Variants in AKR1B10 observed in about 807,000 individuals in gnomAD.
The protein encoded by AKR1B10 is ARP.
Under a neutral mutation model 38.9 loss-of-function variants are expected in AKR1B10, and 39 were observed. The observed-to-expected ratio is 1.00, with a 90% confidence interval of 0.78 to 1.31. AKR1B10 has a LOEUF of 1.31. Ranked by LOEUF, AKR1B10 falls within the 50% of genes most tolerant of loss-of-function variation. The probability of loss-of-function intolerance (pLI) is 0.00; values close to 1 mark genes in which losing one functional copy is unlikely to be tolerated. For synonymous variants in AKR1B10, 148 were observed against 141.2 expected (o/e 1.05, Z -0.34); for missense variants, 361 against 382.6 (o/e 0.94, Z 0.47).
At chr7:134,539,740 G>T (rs1464274609) in intron 9 of AKR1B10, among the ~76,000 whole-genome samples, 1 of 152,044 alleles carries the variant, frequency 6.6e-6, no homozygotes, top group Non-Finnish European at 1.5e-5. Flanking sequence ...TAGATAAGTG[G>T]TGAAAAAAAG....
intron 4 of AKR1B10, among the ~76,000 whole-genome samples, chr7:134,534,754 T>C (rs550034065): frequency 1.3e-5 from 2 of 152,204 alleles, no homozygotes; most frequent in South Asian, 2.1e-4. Context: ...TAACCTGACC[T>C]ATGTGCACAA....
intron 9 of AKR1B10, among the ~76,000 whole-genome samples, chr7:134,540,740 A>G (rs939336702): frequency 3.3e-5 from 5 of 152,094 alleles, no homozygotes; most frequent in Admixed American, 6.5e-5. Context: ...TTCCTACTTC[A>G]TGATGTTGTG....
intron 9 of AKR1B10, among the ~76,000 whole-genome samples, chr7:134,539,247 G>T (rs914613961): frequency 7.2e-5 from 11 of 152,280 alleles, no homozygotes; most frequent in Admixed American, 2.0e-4. Flanking sequence ...ATAACAGAAG[G>T]TGGGTTGTCA....
chr7:134,539,616 A>G (rs974814975), intron 9 of AKR1B10, among the ~76,000 whole-genome samples: 6 of 152,102 alleles, frequency 3.9e-5, no homozygotes, highest in Non-Finnish European at 8.8e-5. Context: ...GCAGGTGCAA[A>G]GTCCCTGAGG....
At chr7:134,529,572 G>T (rs1414432495) in intron 1 of AKR1B10, among the ~76,000 whole-genome samples, 2 of 152,092 alleles carry the variant, frequency 1.3e-5, no homozygotes, top group African/African-American at 4.8e-5. Context: ...GCTGCTTCTG[G>T]GTGCCTGGCA....
At chr7:134,539,965 C>T (rs1482307173) in intron 9 of AKR1B10, among the ~76,000 whole-genome samples, 3 of 152,188 alleles carry the variant, frequency 2.0e-5, no homozygotes, top group Non-Finnish European at 2.9e-5. Context: ...TGGTGGCCCA[C>T]GGCTGTGATC....
At chr7:134,531,206 G>A (rs1768357735) in intron 2 of AKR1B10, among the ~76,000 whole-genome samples, 1 of 152,218 alleles carries the variant, frequency 6.6e-6, no homozygotes, top group African/African-American at 2.4e-5. Flanking sequence ...TCAGCCAGGG[G>A]GAATTTTAGA....
intron 8 of AKR1B10, 57 bp from the exon 9 acceptor site, chr7:134,538,878 T>G: frequency 1.2e-6 from 2 of 1,600,096 alleles, no homozygotes; most frequent in Non-Finnish European, 1.7e-6. Flanking sequence ...GCCGGCAGTC[T>G]CCAGCCACAG....
In AKR1B10 at chr7:134,536,759, C is replaced by G. The variant is rs772625603; in HGVS notation, c.539C>G (p.Pro180Arg). ...LLNKPGLKYK[P>R]VTNQVECHPY... ...AACAAACCTGGACTGAAATATAAAC[C>G]AGTGACTAACCAGGTAAATTCTATT... Residue 180 changes from proline (P) to arginine (R), a missense_variant, in exon 5 of 10, where the codon CCA (proline) becomes CGA (arginine). By Grantham distance (103) the Pro-to-Arg change is moderately radical. This residue lies in a region of AKR1B10 where 220 missense variants were observed against 216.1 expected (regional missense o/e 1.02). Transcript: ENST00000359579. 1.2e-6 allele frequency: 2 copies of G among 1,613,876 alleles called. No individual in the cohort carries two copies. The highest frequency in any genetic ancestry group is 1.7e-6 in the Non-Finnish European group (2 of 1,179,816).
chr7:134,534,883 G>T (rs1002664810), intron 4 of AKR1B10, among the ~76,000 whole-genome samples: 2 of 152,160 alleles, frequency 1.3e-5, no homozygotes, highest in African/African-American at 4.8e-5. Context: ...TTCTCAACGT[G>T]GCTATGCATT....
At chr7:134,529,904 T>C (rs1732049) in intron 1 of AKR1B10, among the ~76,000 whole-genome samples, 74,984 of 151,738 alleles carry the variant, frequency 0.49, 19,922 homozygotes, top group African/African-American at 0.71. Flanking sequence ...TCTATTTCTC[T>C]TTTTTTTCTG....
At chr7:134,538,698 T>C (rs951045818) in intron 8 of AKR1B10, among the ~76,000 whole-genome samples, 1 of 152,148 alleles carries the variant, frequency 6.6e-6, no homozygotes, top group African/African-American at 2.4e-5. Flanking sequence ...CGCCTGGGGT[T>C]TAGTGCCTGT....
chr7:134,532,069 C>A (rs1429237869), intron 3 of AKR1B10, 45 bp downstream of exon 3: 11 of 1,607,104 alleles, frequency 6.8e-6, no homozygotes, highest in Middle Eastern at 1.6e-4. Context: ...TGAGCAGGTG[C>A]CAGAAAATAG....
Position 134,541,315 on chromosome 7 carries a change from T to G in AKR1B10, c.*226T>G, listed in dbSNP as rs546147908. 55 of 478,682 alleles carry G rather than the reference T, an allele frequency of 1.1e-4. No individual in the cohort carries two copies. The highest frequency in any genetic ancestry group is 1.8e-4 in the Non-Finnish European group (50 of 270,772). The allele number at this position is 478,682 out of a possible 1,614,324, so 29.7% of individuals were successfully genotyped here. On this transcript the variant is annotated 3_prime_UTR_variant, in exon 10 of 10. Transcript: ENST00000359579. ...CTTGAATAAGGAAATGACAATTTTT[T>G]CCACTTATCTGATCAGAACAAATGT... is the stretch of plus-strand genomic sequence containing the variant.
Position 134,530,638 on chromosome 7 carries a change from T to C in AKR1B10, c.67-5T>C, listed in dbSNP as rs778151959. The stretch of plus-strand genomic sequence containing the variant: ...TATGTGATGAGCTTTTCTTTTGCCT[T>C]TCAGTCTCCTCTTGGCAAAGTGAAA... On this transcript the variant is annotated splice_polypyrimidine_tract_variant and splice_region_variant and intron_variant, in intron 1 of 9. Coordinates refer to ENST00000359579, the MANE Select transcript of AKR1B10 (RefSeq NM_020299.5). The C allele has an allele frequency of 1.9e-6, 3 of 1,613,908 alleles. No individual in the cohort carries two copies. The highest frequency in any genetic ancestry group is 2.2e-5 in the South Asian group (2 of 91,064).
rs184654602 is a variant in AKR1B10, at chr7:134,535,067, G to T, written c.430-1583G>T. ...AATGGCATCATCATAGTTTAGTGCA[G>T]CCTCGGACTCCTGGGCTGAAGCAAT... is the stretch of plus-strand genomic sequence containing the variant. On this transcript the variant is annotated intron_variant, in intron 4 of 9. Coordinates refer to ENST00000359579, the MANE Select transcript of AKR1B10 (RefSeq NM_020299.5). Among the ~76,000 whole-genome samples, 222 of 152,078 alleles carry T rather than the reference G, an allele frequency of 1.5e-3. 2 individuals are homozygous for T. The highest frequency in any genetic ancestry group is 8.1e-3 in the South Asian group (39 of 4,814).
Position 134,533,032 on chromosome 7 carries a change from A to G in AKR1B10, c.380A>G (p.Asp127Gly). Residue 127 changes from aspartate (D) to glycine (G), a missense_variant, in exon 4 of 10, where the codon GAT becomes GGT. This residue lies in a region of AKR1B10 where 220 missense variants were observed against 216.1 expected (regional missense o/e 1.02). Transcript: ENST00000359579. ...GGGGATGACCTTTTCCCCAAAGATG[A>G]TAAAGGTAATGCCATCGGTGGAAAA... is the stretch of plus-strand genomic sequence containing the variant. ...KSGDDLFPKD[D>G]KGNAIGGKAT... 1 of 1,602,404 alleles carries G rather than the reference A, an allele frequency of 6.2e-7. No homozygotes were observed. Among genetic ancestry groups the G allele is most frequent in the Non-Finnish European group, 8.5e-7 (1 of 1,176,158 alleles).
intron 1 of AKR1B10, among the ~76,000 whole-genome samples, chr7:134,529,053 C>T (rs1304256616): frequency 6.6e-6 from 1 of 152,172 alleles, no homozygotes; most frequent in Admixed American, 6.5e-5. Context: ...TTGCCATTTC[C>T]ATCCATGATA....
At chr7:134,528,991 C>T (rs1025221560) in intron 1 of AKR1B10, among the ~76,000 whole-genome samples, 4 of 152,144 alleles carry the variant, frequency 2.6e-5, no homozygotes, top group African/African-American at 4.8e-5. Flanking sequence ...GTTCCCGAGC[C>T]TCTGTTAGGC....
Sources: gnomAD v4.1 joint callset for allele counts (sites outside exome capture counted in the v4.1 genomes callset) on GRCh38, gnomAD v4.1.1 for gene constraint, gnomAD v4.1.1 regional missense constraint, MANE v1.5 for transcripts, NCBI Gene and HGNC (gene_info 2026-07-23, HGNC 2026-07-21) for gene names.